The following CNOT8 variants were observed in gnomAD, a reference collection of about 807,000 sequenced individuals.
CNOT8 encodes CCR4-NOT transcription complex subunit 8.
Under a neutral mutation model 34.6 loss-of-function variants are expected in CNOT8, and 18 were observed. The observed-to-expected ratio is 0.52, with a 90% confidence interval of 0.36 to 0.77. CNOT8 has a LOEUF of 0.77. Ranked by LOEUF, CNOT8 falls within the 30% of genes least tolerant of loss-of-function variation. The probability of loss-of-function intolerance (pLI) is 0.00; values close to 1 mark genes in which losing one functional copy is unlikely to be tolerated. For synonymous variants in CNOT8, 101 were observed against 118.8 expected (o/e 0.85, Z 0.98); for missense variants, 189 against 347.9 (o/e 0.54, Z 3.63).
At chr5:154,859,549 A>G (rs565186739) in intron 1 of CNOT8, 1 of 152,304 alleles carries the variant, frequency 6.6e-6, no homozygotes, top group Admixed American at 6.5e-5. Context: ...TATTTCTTCA[A>G]ACGTGCCACT....
intron 6 of CNOT8, among the ~76,000 whole-genome samples, chr5:154,873,989 C>T (rs573830587): frequency 4.6e-5 from 7 of 152,184 alleles, no homozygotes; most frequent in Non-Finnish European, 4.4e-5. Flanking sequence ...AGAGATCTTG[C>T]GTTAAGTGCT....
chr5:154,862,343 A>T (rs556776839), intron 1 of CNOT8, among the ~76,000 whole-genome samples: 1 of 152,144 alleles, frequency 6.6e-6, no homozygotes, highest in East Asian at 1.9e-4. Context: ...GGTGGCGTGC[A>T]CCTATAGTCC....
At chr5:154,864,174 G>A (rs1234696540) in intron 2 of CNOT8, among the ~76,000 whole-genome samples, 1 of 152,068 alleles carries the variant, frequency 6.6e-6, no homozygotes, top group Non-Finnish European at 1.5e-5. Context: ...AGAAATTATA[G>A]AGTTGGCCGG....
chr5:154,869,188 C>T lies in CNOT8; in HGVS notation c.312-1473C>T, dbSNP rs146301190. ...AGGCTGGAGTGTGATGGCGCTTTCT[C>T]AGCTCACTGCAACCTCTGCCTCCCA... On this transcript the variant is annotated intron_variant, in intron 3 of 6. Coordinates refer to ENST00000285896, the MANE Select transcript of CNOT8 (RefSeq NM_001301073.2). Among the ~76,000 whole-genome samples the T allele has an allele frequency of 4.3e-3, 651 of 152,012 alleles. 1 individual carries two copies. The highest frequency in any genetic ancestry group is 0.015 in the African/African-American group (612 of 41,486).
At chr5:154,869,276 C>T (rs1010338490) in intron 3 of CNOT8, among the ~76,000 whole-genome samples, 14 of 151,926 alleles carry the variant, frequency 9.2e-5, no homozygotes, top group Admixed American at 3.3e-4. Context: ...TGTGCCACCA[C>T]GCCCTGCTAA....
intron 3 of CNOT8, among the ~76,000 whole-genome samples, chr5:154,868,263 C>CTTT (rs200482243): frequency 6.4e-4 from 82 of 127,180 alleles, no homozygotes; most frequent in African/African-American, 1.4e-3. Flanking sequence ...TTTTTCTTTT[C>CTTT]TTTTCTTTTT....
chr5:154,871,559 CAAA>C (rs372899952), intron 4 of CNOT8, among the ~76,000 whole-genome samples, 168 bp from the exon 5 acceptor site: 3 of 55,398 alleles, frequency 5.4e-5, no homozygotes, highest in African/African-American at 6.4e-5. Context: ...GACTCTGTCT[CAAA>C]AAAAAAAAAA....
At chr5:154,871,916 C>A (rs1248105540) in intron 5 of CNOT8, 42 bp downstream of exon 5, 1 of 1,568,374 alleles carries the variant, frequency 6.4e-7, no homozygotes, top group Non-Finnish European at 8.7e-7. Flanking sequence ...AAAAGAAGGA[C>A]AGAAAAAAAG....
In CNOT8 at chr5:154,863,214, C is replaced by G. The variant is rs547864659; in HGVS notation, c.-65C>G. The G allele has an allele frequency of 1.1e-4, 119 of 1,102,538 alleles. 2 individuals carry two copies. The South Asian group carries it at 1.4e-3, about 13-fold the overall frequency. The allele number at this position is 1,102,538 out of a possible 1,614,324, so 68.3% of individuals were successfully genotyped here. A position where few individuals can be genotyped will look rare whatever the true frequency, so the allele number is the denominator to read the frequency against. On this transcript the variant is annotated 5_prime_UTR_variant, in exon 2 of 7. Transcript: ENST00000285896. ...AAATGTTTTACAATCTAGATCAGAC[C>G]AAACATTGTCTGGCTTGCACTGTAA...
intron 5 of CNOT8, 29 bp downstream of exon 5, chr5:154,871,903 A>G (rs1312724102): frequency 3.8e-6 from 6 of 1,590,276 alleles, no homozygotes; most frequent in Non-Finnish European, 5.1e-6. Flanking sequence ...AATACCAGTA[A>G]CAAAAAGAAG....
intron 6 of CNOT8, among the ~76,000 whole-genome samples, chr5:154,873,985 C>T (rs1337804778): frequency 2.0e-5 from 3 of 152,132 alleles, no homozygotes; most frequent in African/African-American, 7.2e-5. Flanking sequence ...GTGGAGAGAT[C>T]TTGCGTTAAG....
At chr5:154,874,342 C>T (rs559296635) in intron 6 of CNOT8, among the ~76,000 whole-genome samples, 2 of 151,792 alleles carry the variant, frequency 1.3e-5, no homozygotes, top group South Asian at 2.1e-4. Flanking sequence ...TTTGGGAGGC[C>T]GAGGCAAGTG....
intron 2 of CNOT8, among the ~76,000 whole-genome samples, chr5:154,864,917 T>C (rs1354407792): frequency 6.6e-6 from 1 of 152,166 alleles, no homozygotes; most frequent in East Asian, 1.9e-4. Context: ...GGTGTGCACC[T>C]GTAGTTCCAG....
At chr5:154,864,014 G>A (rs930733093) in intron 2 of CNOT8, among the ~76,000 whole-genome samples, 1 of 152,006 alleles carries the variant, frequency 6.6e-6, no homozygotes, top group Non-Finnish European at 1.5e-5. Flanking sequence ...TGGCTGGAGA[G>A]AGAGATGAGT....
intron 4 of CNOT8, 131 bp from the exon 5 acceptor site, chr5:154,871,599 G>T: frequency 6.1e-6 from 3 of 493,826 alleles, no homozygotes; most frequent in East Asian, 4.1e-5. Context: ...ATTATAGTAC[G>T]ATAAACTACT....
chr5:154,875,653 C>G lies in CNOT8; in HGVS notation c.*214C>G. 1 of 514,888 alleles carries G rather than the reference C, an allele frequency of 1.9e-6. No individual in the cohort carries two copies. The highest frequency in any genetic ancestry group is 3.4e-6 in the Non-Finnish European group (1 of 297,700). The allele number at this position is 514,888 out of a possible 1,614,324, so 31.9% of individuals were successfully genotyped here. On this transcript the variant is annotated 3_prime_UTR_variant, in exon 7 of 7. Coordinates refer to ENST00000285896, the MANE Select transcript of CNOT8 (RefSeq NM_001301073.2). Reference sequence around the variant, plus strand: ...TGCTCTGAATTTGTAAATAAGTCTTCCCCATTCCTCATACTCGAGCCTCTC... The same window carrying G: ...TGCTCTGAATTTGTAAATAAGTCTTGCCCATTCCTCATACTCGAGCCTCTC...
intron 1 of CNOT8, chr5:154,859,451 G>C (rs1010398510): frequency 2.0e-5 from 3 of 152,234 alleles, no homozygotes; most frequent in Non-Finnish European, 4.4e-5. Context: ...TAAGAAGTTT[G>C]AACTGCGGTT....
At chr5:154,868,231 C>G (rs1242038638) in intron 3 of CNOT8, among the ~76,000 whole-genome samples, 12 of 151,582 alleles carry the variant, frequency 7.9e-5, no homozygotes, top group South Asian at 4.2e-4. Flanking sequence ...GCCACCATGC[C>G]CCACCTATTT....
chr5:154,862,592 A>C (rs1561677301), intron 1 of CNOT8, among the ~76,000 whole-genome samples: 1 of 152,224 alleles, frequency 6.6e-6, no homozygotes, highest in Non-Finnish European at 1.5e-5. Context: ...GTTTGCACAA[A>C]TCTAAAGAGG....
Sources: allele counts gnomAD v4.1 joint callset (sites outside exome capture counted in the v4.1 genomes callset), GRCh38; gene constraint gnomAD v4.1.1; transcripts MANE v1.5; gene names NCBI Gene and HGNC (gene_info 2026-07-23, HGNC 2026-07-21).